CSMD3: variants seen among roughly 807,000 people sequenced by gnomAD.
CSMD3 encodes CUB and Sushi multiple domains 3, also known as CUB and sushi domain-containing protein 3.
In CSMD3, 177 loss-of-function variants were observed where a neutral mutation model predicts 435.2. The observed-to-expected ratio is 0.41, with a 90% confidence interval of 0.36 to 0.46. The LOEUF (loss-of-function observed/expected upper bound fraction) is 0.46, where lower values mean the gene tolerates loss of function less well. Among genes scored for constraint, CSMD3 ranks in the 20% least tolerant of loss-of-function variants. The probability of loss-of-function intolerance (pLI) is 0.34; values close to 1 mark genes in which losing one functional copy is unlikely to be tolerated. For synonymous variants in CSMD3, 1,656 were observed against 1,520.5 expected (o/e 1.09, Z -2.07); for missense variants, 4,265 against 4,504.6 (o/e 0.95, Z 1.52).
intron 2 of CSMD3, among the ~76,000 whole-genome samples, chr8:113,290,912 G>A (rs1452626547): frequency 6.6e-6 from 1 of 150,900 alleles, no homozygotes; most frequent in East Asian, 1.9e-4. Flanking sequence ...ACTGTTATAA[G>A]CTCTTTTACT....
intron 11 of CSMD3, among the ~76,000 whole-genome samples, chr8:112,832,380 A>G (rs1362425896): frequency 6.6e-6 from 1 of 152,146 alleles, no homozygotes; most frequent in South Asian, 2.1e-4. Flanking sequence ...TGTAATTAAG[A>G]TCTCTAATCA....
intron 1 of CSMD3, among the ~76,000 whole-genome samples, chr8:113,408,692 C>A (rs2094544007): frequency 6.7e-6 from 1 of 149,650 alleles, no homozygotes; most frequent in African/African-American, 2.5e-5. Flanking sequence ...CTTGCTCGCT[C>A]TGTTGTTCAG....
At chr8:112,497,938 T>C (rs1821534647) in intron 30 of CSMD3, among the ~76,000 whole-genome samples, 1 of 152,106 alleles carries the variant, frequency 6.6e-6, no homozygotes, top group Non-Finnish European at 1.5e-5. Context: ...AGAACATTAT[T>C]GTAAAGAAAT....
intron 16 of CSMD3, among the ~76,000 whole-genome samples, chr8:112,676,439 A>G (rs554126104): frequency 4.1e-4 from 62 of 150,754 alleles, no homozygotes; most frequent in Non-Finnish European, 8.1e-4. Context: ...TTAATAACAT[A>G]TATAATTTTT....
intron 6 of CSMD3, among the ~76,000 whole-genome samples, chr8:113,018,409 C>A (rs1270404113): frequency 6.6e-6 from 1 of 151,866 alleles, no homozygotes; most frequent in Non-Finnish European, 1.5e-5. Context: ...TGTGGCAATG[C>A]TTACTATTCC....
chr8:113,243,482 G>A (rs1472354189), intron 3 of CSMD3, among the ~76,000 whole-genome samples: 1 of 151,880 alleles, frequency 6.6e-6, no homozygotes, highest in Non-Finnish European at 1.5e-5. Context: ...ATATAAATAT[G>A]TCAATTTATT....
chr8:113,208,446 T>C (rs866270166), intron 3 of CSMD3, among the ~76,000 whole-genome samples: 5 of 152,148 alleles, frequency 3.3e-5, no homozygotes, highest in South Asian at 2.1e-4. Context: ...AGATAAATTA[T>C]AGAAAAGTAT....
intron 2 of CSMD3, chr8:113,310,069 A>G (rs1034074913): frequency 1.3e-5 from 2 of 152,216 alleles, no homozygotes; most frequent in African/African-American, 2.4e-5. Context: ...GATAGGCCAT[A>G]TCAAAGTAGC....
intron 3 of CSMD3, among the ~76,000 whole-genome samples, chr8:113,212,896 T>A (rs995928105): frequency 2.1e-5 from 3 of 140,750 alleles, no homozygotes; most frequent in Non-Finnish European, 4.5e-5. Context: ...ATAAAAAATA[T>A]ATATATATAT....
chr8:113,324,455 G>T (rs1334978288), intron 1 of CSMD3, among the ~76,000 whole-genome samples: 2 of 152,234 alleles, frequency 1.3e-5, no homozygotes, highest in African/African-American at 4.8e-5. Context: ...TGGCTTCAGA[G>T]AATGGAAGCT....
intron 22 of CSMD3, among the ~76,000 whole-genome samples, chr8:112,634,929 T>C (rs2074615296): frequency 1.3e-5 from 2 of 151,938 alleles, no homozygotes; most frequent in Non-Finnish European, 2.9e-5. Flanking sequence ...TCTTACAAAC[T>C]TGATGATCTT....
Position 113,261,416 on chromosome 8 carries a change from T to C in CSMD3, c.514+17176A>G, listed in dbSNP as rs868647894. Among the ~76,000 whole-genome samples the C allele has an allele frequency of 2.0e-5, 3 of 152,138 alleles. No homozygotes were observed. In the South Asian group the frequency reaches 6.2e-4, roughly 31 times the overall value. On this transcript the variant is annotated intron_variant, in intron 3 of 70. Transcript: ENST00000297405. ...TTTTCAATTAACTTCTGTGTAAGCC[T>C]TGTCATTCTTCCATTGTGACCTCTT...
Position 113,098,870 on chromosome 8 carries a change from G to A in CSMD3, c.803C>T (p.Thr268Ile), listed in dbSNP as rs778358567. 4.3e-6 allele frequency: 7 copies of A among 1,611,526 alleles called. No homozygotes were observed. The highest frequency in any genetic ancestry group is 5.9e-6 in the Non-Finnish European group (7 of 1,177,952). Reference protein sequence around the residue: ...PNEYHNNADCTWTIVAEPGDT... With the variant: ...PNEYHNNADCIWTIVAEPGDT... The stretch of plus-strand genomic sequence containing the variant: ...CCCAGGCTCTGCTACAATGGTCCAA[G>A]TGCAATCAGCATTGTTATGGTACTC... Residue 268 changes from threonine (T) to isoleucine (I), a missense_variant, in exon 5 of 71, where the codon ACT (threonine) becomes ATT (isoleucine). Physicochemically the swap from Thr to Ile is moderately conservative, Grantham distance 89. This residue lies in a region of CSMD3 where 731 missense variants were observed against 755.4 expected (regional missense o/e 0.97). Transcript: ENST00000297405.
intron 28 of CSMD3, among the ~76,000 whole-genome samples, chr8:112,509,824 C>G (rs1001310503): frequency 4.6e-5 from 7 of 152,066 alleles, no homozygotes; most frequent in Non-Finnish European, 8.8e-5. Flanking sequence ...ATTTTTATAC[C>G]CTGATAACAC....
chr8:112,661,425 A>G (rs1480076251), intron 17 of CSMD3, among the ~76,000 whole-genome samples: 2 of 152,172 alleles, frequency 1.3e-5, no homozygotes, highest in African/African-American at 4.8e-5. Context: ...AATTTTGGAC[A>G]GAGAAAATAG....
chr8:112,962,827 C>A (rs1218785074), intron 7 of CSMD3, among the ~76,000 whole-genome samples: 1 of 151,932 alleles, frequency 6.6e-6, no homozygotes, highest in South Asian at 2.1e-4. Flanking sequence ...TCCTTGTTCT[C>A]TGCCCAGAAA....
chr8:112,324,024 A>G (rs1823260599), intron 45 of CSMD3, among the ~76,000 whole-genome samples: 1 of 152,114 alleles, frequency 6.6e-6, no homozygotes. Flanking sequence ...ATAGATAAAT[A>G]AACCTCATTT....
At chr8:112,686,940 T>C (rs1444407388) in intron 14 of CSMD3, among the ~76,000 whole-genome samples, 1 of 152,134 alleles carries the variant, frequency 6.6e-6, no homozygotes, top group Non-Finnish European at 1.5e-5. Context: ...TATGGACATA[T>C]AAACATTAAT....
chr8:113,122,428 G>A (rs2091011192), intron 4 of CSMD3, among the ~76,000 whole-genome samples: 1 of 152,056 alleles, frequency 6.6e-6, no homozygotes, highest in Non-Finnish European at 1.5e-5. Flanking sequence ...TACTTTAGAT[G>A]ACAGATGATA....
Sources: gnomAD v4.1 joint callset for allele counts (sites outside exome capture counted in the v4.1 genomes callset) on GRCh38, gnomAD v4.1.1 for gene constraint, gnomAD v4.1.1 regional missense constraint, MANE v1.5 for transcripts, NCBI Gene and HGNC (gene_info 2026-07-23, HGNC 2026-07-21) for gene names.